Variants in SLC25A21 observed in about 807,000 individuals in gnomAD.
The protein encoded by SLC25A21 is mitochondrial 2-oxodicarboxylate carrier.
SLC25A21 carries 47 observed loss-of-function variants against 43.8 expected under a neutral mutation model. The observed-to-expected ratio is 1.07, with a 90% CI of 0.85 to 1.37. SLC25A21 has a LOEUF of 1.37. SLC25A21 is among the 40% of genes most tolerant of loss of function. The pLI is 0.00. For synonymous variants in SLC25A21, 131 were observed against 121.3 expected (o/e 1.08, Z -0.52); for missense variants, 352 against 350.2 (o/e 1.00, Z -0.04).
intron 1 of SLC25A21, among the ~76,000 whole-genome samples, chr14:37,011,955 C>T (rs1960742636): frequency 6.6e-6 from 1 of 152,168 alleles, no homozygotes; most frequent in African/African-American, 2.4e-5. Flanking sequence ...TTCTGCTCTA[C>T]TTTTCACAGA....
chr14:37,172,231 C>G, intron 1 of SLC25A21, 50 bp downstream of exon 1: 1 of 1,525,772 alleles, frequency 6.6e-7, no homozygotes, highest in Non-Finnish European at 8.9e-7. Context: ...TCAGGACACG[C>G]GGTGGGGAAA....
chr14:37,020,451 T>A (rs1566820405), intron 1 of SLC25A21, among the ~76,000 whole-genome samples: 2 of 151,912 alleles, frequency 1.3e-5, no homozygotes, highest in African/African-American at 4.8e-5. Flanking sequence ...AGTCACTTTT[T>A]TTTTTTCAAA....
At chr14:36,746,749 A>G (rs1020688696) in intron 3 of SLC25A21, among the ~76,000 whole-genome samples, 20 of 152,228 alleles carry the variant, frequency 1.3e-4, no homozygotes, top group African/African-American at 4.1e-4. Flanking sequence ...TAAAGTAACT[A>G]TCATTCACAT....
At chr14:36,798,952 A>G (rs1237687628) in intron 3 of SLC25A21, among the ~76,000 whole-genome samples, 2 of 152,092 alleles carry the variant, frequency 1.3e-5, no homozygotes, top group African/African-American at 4.8e-5. Context: ...GATTAAACAA[A>G]CGAGATTAAA....
At chr14:36,972,856 A>T (rs1447859885) in intron 1 of SLC25A21, among the ~76,000 whole-genome samples, 1 of 151,920 alleles carries the variant, frequency 6.6e-6, no homozygotes, top group Admixed American at 6.6e-5. Flanking sequence ...TTTGAGACAA[A>T]GACAAGGTCT....
chr14:37,113,226 C>T (rs1163664194), intron 1 of SLC25A21, among the ~76,000 whole-genome samples: 1 of 152,156 alleles, frequency 6.6e-6, no homozygotes, highest in African/African-American at 2.4e-5. Context: ...CTTCTTATTA[C>T]ACAGAACTTA....
intron 1 of SLC25A21, among the ~76,000 whole-genome samples, chr14:36,981,727 T>C (rs949481571): frequency 6.6e-6 from 1 of 152,102 alleles, no homozygotes; most frequent in African/African-American, 2.4e-5. Flanking sequence ...TTAGGAGATA[T>C]AGCTAATGTA....
intron 1 of SLC25A21, among the ~76,000 whole-genome samples, chr14:36,893,792 A>C (rs912340281): frequency 2.0e-5 from 3 of 152,176 alleles, no homozygotes; most frequent in African/African-American, 7.2e-5. Flanking sequence ...ACCATTTATT[A>C]AATAGGGAAT....
intron 1 of SLC25A21, among the ~76,000 whole-genome samples, chr14:36,888,191 T>G (rs1015945925): frequency 5.3e-5 from 8 of 152,154 alleles, no homozygotes; most frequent in Non-Finnish European, 8.8e-5. Context: ...TCAAATAGCT[T>G]TACAATTATA....
intron 7 of SLC25A21, among the ~76,000 whole-genome samples, chr14:36,701,499 T>C (rs1337233162): frequency 6.6e-6 from 1 of 152,220 alleles, no homozygotes; most frequent in South Asian, 2.1e-4. Context: ...AATTCCTTTT[T>C]TTCCTCTAAG....
chr14:37,063,309 G>A (rs1961989696), intron 1 of SLC25A21, among the ~76,000 whole-genome samples: 1 of 152,058 alleles, frequency 6.6e-6, no homozygotes, highest in Admixed American at 6.6e-5. Context: ...AGACCAGCCT[G>A]ATGAACATGG....
At chr14:37,128,567 T>C (rs1963338585) in intron 1 of SLC25A21, among the ~76,000 whole-genome samples, 1 of 151,208 alleles carries the variant, frequency 6.6e-6, no homozygotes, top group Admixed American at 6.6e-5. Context: ...TGTGTGTGTG[T>C]GTGTGTGTGT....
chr14:37,168,968 C>A (rs1313824277), intron 1 of SLC25A21, among the ~76,000 whole-genome samples: 1 of 152,158 alleles, frequency 6.6e-6, no homozygotes. Flanking sequence ...TGGAAGACTG[C>A]CACACGGCCG....
chr14:36,862,817 C>A (rs1272351847), intron 2 of SLC25A21, among the ~76,000 whole-genome samples: 3 of 151,944 alleles, frequency 2.0e-5, no homozygotes, highest in Non-Finnish European at 4.4e-5. Context: ...AGAAAAATAT[C>A]CCGTTTGTTT....
intron 1 of SLC25A21, among the ~76,000 whole-genome samples, chr14:36,918,733 GA>G (rs1891897953): frequency 6.6e-6 from 1 of 151,486 alleles, no homozygotes; most frequent in Non-Finnish European, 1.5e-5. Context: ...TATAAAAATA[GA>G]AAAAAATGCA....
At chr14:37,052,603 T>C (rs1435967182) in intron 1 of SLC25A21, among the ~76,000 whole-genome samples, 2 of 152,094 alleles carry the variant, frequency 1.3e-5, no homozygotes, top group African/African-American at 4.8e-5. Context: ...AAATAATTAA[T>C]AACCATGTAC....
intron 2 of SLC25A21, among the ~76,000 whole-genome samples, chr14:36,871,124 G>C (rs1890359499): frequency 6.6e-6 from 1 of 151,720 alleles, no homozygotes; most frequent in Non-Finnish European, 1.5e-5. Context: ...TTGTGCCCCT[G>C]CCCCCCCAAA....
chr14:36,978,432 G>T (rs1959932537), intron 1 of SLC25A21, among the ~76,000 whole-genome samples: 1 of 152,146 alleles, frequency 6.6e-6, no homozygotes, highest in African/African-American at 2.4e-5. Context: ...GCTAACAAAT[G>T]CTAACGAAGT....
intron 2 of SLC25A21, among the ~76,000 whole-genome samples, chr14:36,849,210 C>T (rs1889642535): frequency 6.6e-6 from 1 of 152,110 alleles, no homozygotes; most frequent in Non-Finnish European, 1.5e-5. Flanking sequence ...TGGGGTACAT[C>T]CCTAGATAAC....
Sources: gnomAD v4.1 joint callset for allele counts (sites outside exome capture counted in the v4.1 genomes callset) on GRCh38, gnomAD v4.1.1 for gene constraint, MANE v1.5 for transcripts, NCBI Gene and HGNC (gene_info 2026-07-23, HGNC 2026-07-21) for gene names.